KIF18A: variants seen among roughly 807,000 people sequenced by gnomAD.
KIF18A encodes kinesin family member 18A, also known as kinesin-like protein KIF18A.
KIF18A carries 67 observed loss-of-function variants against 103.3 expected under a neutral mutation model. That is an observed-to-expected ratio of 0.65 (90% CI 0.53 to 0.79). The LOEUF is 0.79. Ranked by LOEUF, KIF18A falls within the 30% of genes least tolerant of loss-of-function variation. The pLI, the probability that KIF18A is intolerant of heterozygous loss-of-function variation, is 0.00. For missense variants in KIF18A, 1,032 were observed against 1,062.5 expected, an observed-to-expected ratio of 0.97 and a Z score of 0.40; for synonymous variants, 367 against 355.5, an observed-to-expected ratio of 1.03 and a Z score of -0.36.
At chr11:28,057,002 C>T in intron 13 of KIF18A, 1 of 289,922 alleles carries the variant, frequency 3.4e-6, no homozygotes, top group South Asian at 2.9e-5. Context: ...GTTAAAAGTC[C>T]AATAAATTGA....
Position 28,069,304 on chromosome 11 carries a change from G to C in KIF18A, c.1545C>G (p.Val515=). The change falls in exon 11 of 17, where the codon GTC becomes GTG. Residue 515 remains valine (V), a synonymous_variant. Coordinates refer to ENST00000263181, the MANE Select transcript of KIF18A (RefSeq NM_031217.4). ...FDENTNWLHR[V]EKEMGLLSQN... ...GACTTAAGAGTCCCATTTCTTTTTCGACACGATGGAGCCAATTAGTATTCT... is the reference window on the plus strand; with the variant it reads ...GACTTAAGAGTCCCATTTCTTTTTCCACACGATGGAGCCAATTAGTATTCT... 6.2e-7 allele frequency: 1 copy of C among 1,613,068 alleles called. No homozygotes were observed. Among genetic ancestry groups the C allele is most frequent in the Non-Finnish European group, 8.5e-7 (1 of 1,179,440 alleles).
chr11:28,076,796 T>C (rs1478230434), intron 10 of KIF18A: 1 of 283,820 alleles, frequency 3.5e-6, no homozygotes, highest in African/African-American at 2.2e-5. Flanking sequence ...TAGCTGGGCG[T>C]AGTGGTGCAC....
chr11:28,099,860 T>C (rs1312016408), intron 1 of KIF18A, among the ~76,000 whole-genome samples: 2 of 152,128 alleles, frequency 1.3e-5, no homozygotes, highest in Non-Finnish European at 2.9e-5. Context: ...GAAGTCGTTT[T>C]GAGCACAGGA....
intron 13 of KIF18A, among the ~76,000 whole-genome samples, chr11:28,052,155 C>G (rs1211403428): frequency 6.6e-6 from 1 of 152,078 alleles, no homozygotes; most frequent in Non-Finnish European, 1.5e-5. Context: ...CATCTTTTGC[C>G]TGGGTTATTC....
At chr11:28,036,030 A>G (rs984295634) in intron 14 of KIF18A, among the ~76,000 whole-genome samples, 187 bp downstream of exon 14, 2 of 151,518 alleles carry the variant, frequency 1.3e-5, no homozygotes, top group African/African-American at 4.8e-5. Flanking sequence ...TAAGATATCA[A>G]ATTTAAGACT....
chr11:28,029,077 C>G (rs1850360884), intron 15 of KIF18A, among the ~76,000 whole-genome samples: 1 of 152,180 alleles, frequency 6.6e-6, no homozygotes, highest in South Asian at 2.1e-4. Flanking sequence ...CGGGCGGATT[C>G]ACAGCTGAAT....
At chr11:28,070,668 T>G (rs1373014655) in intron 10 of KIF18A, among the ~76,000 whole-genome samples, 1 of 152,136 alleles carries the variant, frequency 6.6e-6, no homozygotes, top group Non-Finnish European at 1.5e-5. Context: ...AACAAAAACC[T>G]GGATAGTCAA....
rs1565087204 is a variant in KIF18A, at chr11:28,083,254, A to G, written c.1075-11T>C. 1.3e-6 allele frequency: 2 copies of G among 1,546,932 alleles called. No homozygotes were observed. The highest frequency in any genetic ancestry group is 1.3e-5 in the South Asian group (1 of 79,730). On this transcript the variant is annotated splice_polypyrimidine_tract_variant and intron_variant, in intron 7 of 16. Coordinates refer to ENST00000263181, the MANE Select transcript of KIF18A (RefSeq NM_031217.4). The stretch of plus-strand genomic sequence containing the variant: ...AACATTGCTCTTCAACTGTTGAAAG[A>G]TAGAAATTATGATTGTTTATAGAGA...
At chr11:28,029,628 G>A (rs1234407496) in intron 15 of KIF18A, among the ~76,000 whole-genome samples, 7 of 152,126 alleles carry the variant, frequency 4.6e-5, no homozygotes, top group Non-Finnish European at 4.4e-5. Context: ...ACAAGACAGG[G>A]ATGCCCTCTC....
chr11:28,065,874 TTA>T (rs1829807798), intron 11 of KIF18A, among the ~76,000 whole-genome samples: 1 of 152,036 alleles, frequency 6.6e-6, no homozygotes, highest in South Asian at 2.1e-4. Flanking sequence ...CATTTAAAAC[TTA>T]TATACACAAA....
At position 28,036,825 on chromosome 11, in the gene KIF18A, T is replaced by C. The variant is rs192667273; in HGVS notation, c.1949-161A>G. Among the ~76,000 whole-genome samples the C allele has an allele frequency of 2.4e-4, 37 of 151,636 alleles. 1 individual carries two copies. In the East Asian group the frequency reaches 7.2e-3, roughly 29 times the overall value. On this transcript the variant is annotated intron_variant, in intron 13 of 16. Transcript: ENST00000263181. ...TGGAAAGGAAAATATCACGGTTTAC[T>C]GCTAAAAACTTTAAATAAAGATAAA...
chr11:28,021,247 T>C lies in KIF18A; in HGVS notation c.2650A>G (p.Met884Val). 1 of 1,495,248 alleles carries C rather than the reference T, an allele frequency of 6.7e-7. No homozygotes were observed. Among genetic ancestry groups the C allele is most frequent in the Non-Finnish European group, 9.0e-7 (1 of 1,114,666 alleles). The allele number at this position is 1,495,248 out of a possible 1,614,324, so 92.6% of individuals were successfully genotyped here. Residue 884 changes from methionine to valine, a missense_variant, in exon 17 of 17, where the codon ATG becomes GTG. By Grantham distance (21) the Met-to-Val change is conservative. Coordinates refer to ENST00000263181, the MANE Select transcript of KIF18A (RefSeq NM_031217.4). ...ATATTTCTTCCAAATTTTCTAACCA[T>C]GCTTGGATTTATTTTACAGATGTTT... The part of the protein sequence containing the change: ...KRNICKINPS[M>V]VRKFGRNISK...
intron 9 of KIF18A, among the ~76,000 whole-genome samples, chr11:28,081,738 T>A (rs1297828259): frequency 6.6e-6 from 1 of 152,160 alleles, no homozygotes; most frequent in East Asian, 1.9e-4. Flanking sequence ...ATTTAGGAAA[T>A]ACATTTTGTA....
chr11:28,069,986 G>C (rs1850991513), intron 10 of KIF18A, among the ~76,000 whole-genome samples: 1 of 152,082 alleles, frequency 6.6e-6, no homozygotes, highest in Non-Finnish European at 1.5e-5. Context: ...AATATTTTTG[G>C]TGTTTTACCT....
rs1590687963 is a variant in KIF18A, at chr11:28,062,523, C to T, written c.1591-7G>A. 1 of 1,604,010 alleles carries T rather than the reference C, an allele frequency of 6.2e-7. No homozygotes were observed. Among genetic ancestry groups the T allele is most frequent in the Non-Finnish European group, 8.5e-7 (1 of 1,174,958 alleles). ...GAAGATCTTTCTTGAGTTCCTAGGG[C>T]AAACAATACAAAATGTACTTCAGAT... On this transcript the variant is annotated splice_region_variant and splice_polypyrimidine_tract_variant and intron_variant, in intron 11 of 16. Coordinates refer to ENST00000263181, the MANE Select transcript of KIF18A (RefSeq NM_031217.4).
intron 1 of KIF18A, among the ~76,000 whole-genome samples, chr11:28,103,355 T>C (rs1851468265): frequency 6.6e-6 from 1 of 151,436 alleles, no homozygotes; most frequent in Non-Finnish European, 1.5e-5. Flanking sequence ...CAAAAAAACT[T>C]CTGGTACCAA....
Position 28,083,032 on chromosome 11 carries a change from T to C in KIF18A, c.1150-64A>G, listed in dbSNP as rs897129283. The C allele has an allele frequency of 1.1e-5, 16 of 1,445,066 alleles. No individual in the cohort carries two copies. The African/African-American group carries it at 1.6e-4, about 14-fold the overall frequency. The allele number at this position is 1,445,066 out of a possible 1,614,324, so 89.5% of individuals were successfully genotyped here. On this transcript the variant is annotated intron_variant, in intron 8 of 16. Coordinates refer to ENST00000263181, the MANE Select transcript of KIF18A (RefSeq NM_031217.4). Reference sequence around the variant, plus strand: ...TCATTTACATGGCCACAGCCAAATTTAGCTGTAAAAAATAACTGAATTAAC... The same window carrying C: ...TCATTTACATGGCCACAGCCAAATTCAGCTGTAAAAAATAACTGAATTAAC...
intron 11 of KIF18A, 121 bp downstream of exon 11, chr11:28,069,138 T>C: frequency 1.4e-6 from 1 of 733,132 alleles, no homozygotes; most frequent in Non-Finnish European, 2.3e-6. Context: ...GTAAATTAAA[T>C]CTCAGAGTTA....
chr11:28,055,873 A>G (rs757117843), intron 13 of KIF18A, among the ~76,000 whole-genome samples: 38 of 152,264 alleles, frequency 2.5e-4, no homozygotes, highest in Non-Finnish European at 5.0e-4. Flanking sequence ...GTGGTTACAG[A>G]CTTTGGAATT....
Sources: gnomAD v4.1 joint callset for allele counts (sites outside exome capture counted in the v4.1 genomes callset) on GRCh38, gnomAD v4.1.1 for gene constraint, MANE v1.5 for transcripts, NCBI Gene and HGNC (gene_info 2026-07-23, HGNC 2026-07-21) for gene names.